DMD: variants seen among roughly 807,000 people sequenced by gnomAD.
DMD encodes the protein mutant dystrophin.
DMD carries 63 observed loss-of-function variants against 330.1 expected under a neutral mutation model. That is an observed-to-expected ratio of 0.19 (90% CI 0.16 to 0.24). The LOEUF (loss-of-function observed/expected upper bound fraction) is 0.24. DMD is among the 10% of genes least tolerant of loss of function. The pLI is 1.00. For missense variants in DMD, 3,344 were observed against 2,684.1 expected (o/e 1.25, Z -5.43); for synonymous variants, 1,223 against 959.8 (o/e 1.27, Z -5.07).
intron 39 of DMD, among the ~76,000 whole-genome samples, chrX:32,345,509 G>A (rs1486437588): frequency 9.0e-6 from 1 of 111,177 alleles, no homozygotes; most frequent in East Asian, 2.8e-4. Flanking sequence ...AAAGAATCTA[G>A]GGCTTATTAA....
At chrX:32,554,952 GGAGAGAGAAAGAAAGAGAGA>G (rs2050127906) in intron 16 of DMD, among the ~76,000 whole-genome samples, 1 of 41,421 alleles carries the variant, frequency 2.4e-5, no homozygotes, top group Non-Finnish European at 5.3e-5. Flanking sequence ...AGAGAGAGAG[GGAGAGAGAAAGAAAGAGAGA>G]GAGAGAGAGA....
At chrX:31,213,627 C>T (rs1302232911) in intron 64 of DMD, among the ~76,000 whole-genome samples, 1 of 111,795 alleles carries the variant, frequency 8.9e-6, no homozygotes, top group Non-Finnish European at 1.9e-5. Context: ...GTGGCTGTGA[C>T]ACTTATTCTT....
At chrX:31,815,144 G>T (rs760531523) in intron 50 of DMD, among the ~76,000 whole-genome samples, 2 of 112,028 alleles carry the variant, frequency 1.8e-5, no homozygotes, top group African/African-American at 6.5e-5. Flanking sequence ...CATAACCTAG[G>T]AACTTTTCAG....
chrX:32,118,774 C>T (rs748881578), intron 44 of DMD, among the ~76,000 whole-genome samples: 18 of 100,511 alleles, frequency 1.8e-4, no homozygotes, highest in African/African-American at 5.3e-4. Context: ...GGATCAGGGG[C>T]GGGTGGGGTT....
At chrX:32,360,358 C>T (rs1156570393) in intron 37 of DMD, among the ~76,000 whole-genome samples, 1 of 111,820 alleles carries the variant, frequency 8.9e-6, no homozygotes, top group Non-Finnish European at 1.9e-5. Context: ...TTCATTTCAT[C>T]GTGATAATAG....
At chrX:32,862,345 T>C (rs757000718) in intron 2 of DMD, among the ~76,000 whole-genome samples, 1 of 112,137 alleles carries the variant, frequency 8.9e-6, no homozygotes, top group East Asian at 2.8e-4. Flanking sequence ...TTCAAACAGA[T>C]GTGCATTCGA....
intron 47 of DMD, among the ~76,000 whole-genome samples, chrX:31,882,002 T>G (rs1268523282): frequency 8.9e-6 from 1 of 112,170 alleles, no homozygotes; most frequent in Non-Finnish European, 1.9e-5. Context: ...AATTAGAAAG[T>G]CCAATACTGT....
chrX:32,485,163 G>T (rs2042292520), intron 20 of DMD, 64 bp from the exon 21 acceptor site: 1 of 1,105,498 alleles, frequency 9.0e-7, no homozygotes, highest in East Asian at 3.0e-5. Context: ...TTTTGCAAAA[G>T]AAGGTATTAA....
At chrX:32,326,820 T>TCACTTGAAC (rs951767593) in intron 41 of DMD, among the ~76,000 whole-genome samples, 50 of 108,311 alleles carry the variant, frequency 4.6e-4, no homozygotes, top group Non-Finnish European at 7.6e-4. Flanking sequence ...GGCAGGAGAA[T>TCACTTGAAC]CACTTGAACC....
At chrX:31,152,734 C>T (rs2037594693) in intron 74 of DMD, among the ~76,000 whole-genome samples, 1 of 111,679 alleles carries the variant, frequency 9.0e-6, no homozygotes, top group African/African-American at 3.3e-5. Context: ...AAGATGGCAC[C>T]TCACTACATT....
intron 1 of DMD, among the ~76,000 whole-genome samples, chrX:33,293,589 T>C (rs2053544074): frequency 9.0e-6 from 1 of 111,129 alleles, no homozygotes; most frequent in Non-Finnish European, 1.9e-5. Context: ...CCAGGTCACA[T>C]GATCATACCT....
intron 59 of DMD, among the ~76,000 whole-genome samples, chrX:31,477,009 GA>G (rs996197169): frequency 2.7e-5 from 3 of 110,786 alleles, no homozygotes; most frequent in African/African-American, 9.8e-5. Context: ...TAGGAAACAG[GA>G]AAAAAAAGGT....
At chrX:32,846,104 T>G (rs1340403332) in intron 3 of DMD, among the ~76,000 whole-genome samples, 1 of 111,848 alleles carries the variant, frequency 8.9e-6, no homozygotes. Context: ...GCTTGTCACA[T>G]AGTTGGTCCA....
intron 63 of DMD, among the ~76,000 whole-genome samples, chrX:31,233,088 C>T (rs147579205): frequency 0.013 from 1,431 of 111,690 alleles, 25 homozygotes; most frequent in African/African-American, 0.044. Flanking sequence ...CAAATCAAAT[C>T]AATGCACTTT....
chrX:31,652,140 T>C (rs192191615), intron 54 of DMD, among the ~76,000 whole-genome samples: 86 of 112,158 alleles, frequency 7.7e-4, no homozygotes, highest in Middle Eastern at 4.6e-3. Context: ...ATTAGGACTC[T>C]CCTGGACTAC....
intron 45 of DMD, among the ~76,000 whole-genome samples, chrX:31,954,139 C>T (rs1370899236): frequency 9.0e-6 from 1 of 110,897 alleles, no homozygotes; most frequent in Non-Finnish European, 1.9e-5. Context: ...ATCCAGGGTC[C>T]CACGTGACCC....
At chrX:32,409,584 G>T in intron 30 of DMD, among the ~76,000 whole-genome samples, 1 of 111,564 alleles carries the variant, frequency 9.0e-6, no homozygotes, top group Middle Eastern at 4.6e-3. Context: ...TTCCTTGAAA[G>T]ACAATAGTAT....
chrX:32,164,191 T>C (rs757256568), intron 44 of DMD, among the ~76,000 whole-genome samples: 1 of 111,306 alleles, frequency 9.0e-6, no homozygotes, highest in Non-Finnish European at 1.9e-5. Context: ...ACTGAGGTAG[T>C]GAGGTACTGC....
At chrX:32,680,942 T>C (rs2062371387) in intron 9 of DMD, among the ~76,000 whole-genome samples, 1 of 112,255 alleles carries the variant, frequency 8.9e-6, no homozygotes, top group Non-Finnish European at 1.9e-5. Flanking sequence ...TCTAGCCTTA[T>C]TTATTTCCTA....
Sources: gnomAD v4.1 joint callset for allele counts (sites outside exome capture counted in the v4.1 genomes callset) on GRCh38, gnomAD v4.1.1 for gene constraint, MANE v1.5 for transcripts, NCBI Gene and HGNC (gene_info 2026-07-23, HGNC 2026-07-21) for gene names.